The following ZNF710 variants were observed in gnomAD, a reference collection of about 807,000 sequenced individuals.
ZNF710 encodes the protein zinc finger protein 710.
In ZNF710, 13 loss-of-function variants were observed where a neutral mutation model predicts 50.6. The ratio of observed to expected loss-of-function variants is 0.26; its 90% CI spans 0.17 to 0.41. The LOEUF (loss-of-function observed/expected upper bound fraction) is 0.41. Among genes scored for constraint, ZNF710 ranks in the 10% least tolerant of loss-of-function variants. The pLI is 1.00. For missense variants in ZNF710, 721 were observed against 936.6 expected (o/e 0.77, Z 3.01); for synonymous variants, 383 against 397.0 (o/e 0.96, Z 0.42).
At chr15:90,005,552 G>A (rs765530861) in intron 1 of ZNF710, among the ~76,000 whole-genome samples, 3 of 152,232 alleles carry the variant, frequency 2.0e-5, no homozygotes, top group East Asian at 1.9e-4. Flanking sequence ...GGCTTCAAGC[G>A]ATTCTCCTGC....
intron 1 of ZNF710, among the ~76,000 whole-genome samples, chr15:90,044,368 G>A (rs1003935523): frequency 2.6e-5 from 4 of 152,320 alleles, no homozygotes; most frequent in South Asian, 4.1e-4. Context: ...GCGTGGTGTC[G>A]CCATTCCCTG....
chr15:90,050,772 T>G (rs567993042), intron 1 of ZNF710, among the ~76,000 whole-genome samples: 61 of 152,298 alleles, frequency 4.0e-4, no homozygotes, highest in African/African-American at 1.4e-3. Context: ...AAGTTTGTTT[T>G]TTTTTTTTAA....
Position 90,055,792 on chromosome 15 carries a change from T to C in ZNF710, c.-28-11318T>C, listed in dbSNP as rs534095701. ...AGCCTGAGCTGGGGGGTGACCCCCA[T>C]GTTTGACATGGATAGAAGGAAACAC... On this transcript the variant is annotated intron_variant, in intron 1 of 4. Coordinates refer to ENST00000268154, the MANE Select transcript of ZNF710 (RefSeq NM_198526.4). Among the ~76,000 whole-genome samples, 5 of 152,282 alleles carry C rather than the reference T, an allele frequency of 3.3e-5. No homozygotes were observed. In the South Asian group the frequency reaches 1.0e-3, roughly 32 times the overall value.
intron 1 of ZNF710, among the ~76,000 whole-genome samples, chr15:90,036,593 CCTGCTCCATTA>C (rs375817933): frequency 3.7e-4 from 56 of 152,336 alleles, no homozygotes; most frequent in African/African-American, 1.3e-3. Flanking sequence ...GGAAAGAAAG[CCTGCTCCATTA>C]TTTCTAGTGA....
chr15:90,042,221 G>GC (rs775319124), intron 1 of ZNF710, among the ~76,000 whole-genome samples: 14 of 151,558 alleles, frequency 9.2e-5, no homozygotes, highest in East Asian at 3.9e-4. Context: ...TATTTTCCAT[G>GC]CCCCCCCTTC....
intron 1 of ZNF710, among the ~76,000 whole-genome samples, chr15:90,037,861 G>T (rs1043736355): frequency 6.6e-6 from 1 of 152,188 alleles, no homozygotes; most frequent in Non-Finnish European, 1.5e-5. Flanking sequence ...TAATACGGTC[G>T]CTAGGCTTCC....
In ZNF710 at chr15:90,068,514, C is replaced by T. The variant is rs201387988; in HGVS notation, c.1377C>T (p.Asn459=). The change falls in exon 2 of 5, where the codon AAC becomes AAT. Residue 459 remains asparagine (N), a synonymous_variant. Coordinates refer to ENST00000268154, the MANE Select transcript of ZNF710 (RefSeq NM_198526.4). This position sits in a 1 kb window ranked among gnomAD's most constrained non-coding sequence, Gnocchi z 5.0. ...QLQNHMLKHQ[N]VRPFVCTECG... is the part of the protein sequence containing the mutation. The stretch of plus-strand genomic sequence containing the variant: ...AGAACCACATGCTCAAGCACCAGAA[C>T]GTGCGACCCTTCGTGTGCACTGAAT... The T allele has an allele frequency of 1.5e-5, 24 of 1,613,534 alleles. No individual in the cohort carries two copies. The highest frequency in any genetic ancestry group is 1.5e-4 in the African/African-American group (11 of 75,064).
At chr15:90,004,421 C>T (rs1898088116) in intron 1 of ZNF710, among the ~76,000 whole-genome samples, 1 of 152,214 alleles carries the variant, frequency 6.6e-6, no homozygotes, top group African/African-American at 2.4e-5. Flanking sequence ...ATGCTTGGCG[C>T]AGGCTCATAA....
At chr15:90,011,867 A>G (rs1484075884) in intron 1 of ZNF710, among the ~76,000 whole-genome samples, 4 of 152,078 alleles carry the variant, frequency 2.6e-5, no homozygotes, top group Admixed American at 2.0e-4. Flanking sequence ...TTTTCTCAGT[A>G]TTTACAAGCG....
intron 1 of ZNF710, among the ~76,000 whole-genome samples, chr15:90,008,427 T>TGTATATATATATACATATATATATAC (rs1491372581): frequency 3.0e-5 from 4 of 135,092 alleles, no homozygotes; most frequent in African/African-American, 1.3e-4. Flanking sequence ...TGTGTGTGTG[T>TGTATATATATATACATATATATATAC]ATATATATAT....
chr15:90,067,643 G>A lies in ZNF710; in HGVS notation c.506G>A (p.Arg169Gln), dbSNP rs570584255. Residue 169 changes from arginine (R) to glutamine (Q), a missense_variant, in exon 2 of 5, where the codon CGG (arginine) becomes CAG (glutamine). By Grantham distance (43) the Arg-to-Gln change is conservative. Around this residue, in one of 3 missense-constraint regions of ZNF710, gnomAD observed 326 missense variants for 347.1 expected, o/e 0.94. Transcript: ENST00000268154. This position sits in a 1 kb window ranked among gnomAD's most constrained non-coding sequence, Gnocchi z 8.1. Reference sequence around the variant, plus strand: ...CTCAGCGCCTTCAGCCGCAAGCCCCGGACGCTCCGGCATCTGCCCCGAACC... The same window carrying A: ...CTCAGCGCCTTCAGCCGCAAGCCCCAGACGCTCCGGCATCTGCCCCGAACC... ...IDLSAFSRKPRTLRHLPRTPR... is the reference protein window; with the variant it reads ...IDLSAFSRKPQTLRHLPRTPR... 27 of 1,612,708 alleles carry A rather than the reference G, an allele frequency of 1.7e-5. No individual in the cohort carries two copies. Among genetic ancestry groups the A allele is most frequent in the South Asian group, 3.3e-5 (3 of 90,982 alleles).
In ZNF710 at chr15:90,034,122, C is replaced by A. The variant is rs1899032251; in HGVS notation, c.-29+32508C>A. 6.6e-6 allele frequency among the ~76,000 whole-genome samples: 1 copy of A among 151,866 alleles called. No individual in the cohort carries two copies. The highest frequency in any genetic ancestry group is 1.5e-5 in the Non-Finnish European group (1 of 67,992). On this transcript the variant is annotated intron_variant, in intron 1 of 4. Coordinates refer to ENST00000268154, the MANE Select transcript of ZNF710 (RefSeq NM_198526.4). This position sits in a 1 kb window ranked among gnomAD's most constrained non-coding sequence, Gnocchi z 4.0. ...CTGAGGTGGGAGAATCGCTTGAACCCAGGAGGCAGAGGTTGCAGTGAGCCG... is the reference window on the plus strand; with the variant it reads ...CTGAGGTGGGAGAATCGCTTGAACCAAGGAGGCAGAGGTTGCAGTGAGCCG...
chr15:90,000,811 A>G (rs7162815), upstream of ZNF710, among the ~76,000 whole-genome samples: 1 of 151,968 alleles, frequency 6.6e-6, no homozygotes, highest in African/African-American at 2.4e-5. Flanking sequence ...CCCGTGCCCC[A>G]ACACCCGCAC....
At chr15:90,054,374 G>A (rs1276892614) in intron 1 of ZNF710, among the ~76,000 whole-genome samples, 1 of 152,184 alleles carries the variant, frequency 6.6e-6, no homozygotes, top group Non-Finnish European at 1.5e-5. Flanking sequence ...GGGAAGCCAT[G>A]AGGGGCTCCC....
Position 90,067,230 on chromosome 15 carries a change from T to A in ZNF710, c.93T>A (p.Asn31Lys), listed in dbSNP as rs1167233396. 2.5e-6 allele frequency: 4 copies of A among 1,613,612 alleles called. No individual in the cohort carries two copies. ...QAAVLGLVSENELFGATISAE... is the reference protein window; with the variant it reads ...QAAVLGLVSEKELFGATISAE... ...CCGTGCTTGGCCTGGTCTCCGAAAA[T>A]GAGCTCTTTGGAGCTACCATAAGCG... Residue 31 changes from asparagine (N) to lysine (K), a missense_variant, in exon 2 of 5, where the codon AAT becomes AAA. This residue lies in a region of ZNF710 where 326 missense variants were observed against 347.1 expected (regional missense o/e 0.94). Transcript: ENST00000268154. This position sits in a 1 kb window ranked among gnomAD's most constrained non-coding sequence, Gnocchi z 8.1.
chr15:90,058,509 G>T (rs935076549), intron 1 of ZNF710, among the ~76,000 whole-genome samples: 2 of 152,048 alleles, frequency 1.3e-5, no homozygotes, highest in African/African-American at 4.8e-5. Flanking sequence ...GCGACTGTCA[G>T]TTTCCTTCTC....
chr15:90,019,857 A>G (rs939885472), intron 1 of ZNF710, among the ~76,000 whole-genome samples: 2 of 152,192 alleles, frequency 1.3e-5, no homozygotes, highest in South Asian at 2.1e-4. Flanking sequence ...TGAGGATTCC[A>G]GAGTCTGTCA....
At chr15:90,047,820 C>G (rs561130314) in intron 1 of ZNF710, among the ~76,000 whole-genome samples, 30 of 152,202 alleles carry the variant, frequency 2.0e-4, no homozygotes, top group Non-Finnish European at 3.7e-4. Flanking sequence ...CTCCTGACCT[C>G]AAATGATCCA....
intron 1 of ZNF710, among the ~76,000 whole-genome samples, chr15:90,028,203 C>T (rs2151481459): frequency 6.6e-6 from 1 of 152,266 alleles, no homozygotes; most frequent in African/African-American, 2.4e-5. Flanking sequence ...TAGATGTTAA[C>T]ATTTGCCATA....
Sources: allele counts gnomAD v4.1 joint callset (sites outside exome capture counted in the v4.1 genomes callset), GRCh38; gene constraint gnomAD v4.1.1; regional missense constraint gnomAD v4.1.1; non-coding constraint Gnocchi (gnomAD v3.1); transcripts MANE v1.5; gene names NCBI Gene and HGNC (gene_info 2026-07-23, HGNC 2026-07-21).